BTBD18: variants seen among roughly 807,000 people sequenced by gnomAD.
The protein encoded by BTBD18 is BTB/POZ domain-containing protein 18.
For missense variants in BTBD18, 787 were observed against 846.3 expected, an observed-to-expected ratio of 0.93 and a Z score of 0.87; for synonymous variants, 311 against 324.4, an observed-to-expected ratio of 0.96 and a Z score of 0.44.
chr11:57,750,582 G>T (rs560772869), intron 2 of BTBD18, among the ~76,000 whole-genome samples: 1 of 152,038 alleles, frequency 6.6e-6, no homozygotes, highest in Non-Finnish European at 1.5e-5. Context: ...TGTAATCTCA[G>T]CTACTTGAGA....
Position 57,744,899 on chromosome 11 carries a change from C to T in BTBD18, c.1374G>A (p.Met458Ile). The T allele has an allele frequency of 6.4e-7, 1 of 1,551,534 alleles. No individual in the cohort carries two copies. Among genetic ancestry groups the T allele is most frequent in the Non-Finnish European group, 8.7e-7 (1 of 1,146,886 alleles). The change falls in exon 3 of 3, where the codon ATG becomes ATA. Residue 458 changes from methionine to isoleucine, a missense_variant. Coordinates refer to ENST00000422652, the MANE Select transcript of BTBD18 (RefSeq NM_001145101.3). ...AGGGTTCTCTGCAGTCAATAGCCAA[C>T]ATAGGTTCCTTCTCTACCAGTTCTG... ...SSPELVEKEPMLAIDCREPYA... is the reference protein window; with the variant it reads ...SSPELVEKEPILAIDCREPYA...
At chr11:57,750,767 C>T (rs1949290795) in intron 2 of BTBD18, among the ~76,000 whole-genome samples, 1 of 152,176 alleles carries the variant, frequency 6.6e-6, no homozygotes, top group East Asian at 1.9e-4. Flanking sequence ...AAGTGCTTAC[C>T]CACATTAACT....
chr11:57,746,966 C>T (rs536314702), intron 2 of BTBD18, among the ~76,000 whole-genome samples: 2 of 152,344 alleles, frequency 1.3e-5, no homozygotes, highest in South Asian at 4.1e-4. Flanking sequence ...AGGACCACGT[C>T]TGTCTTTCTC....
At chr11:57,752,476 G>C (rs1179434622), upstream of BTBD18, among the ~76,000 whole-genome samples, 2 of 151,140 alleles carry the variant, frequency 1.3e-5, no homozygotes, top group East Asian at 1.9e-4. Flanking sequence ...AGAGGTTGTA[G>C]ATAGAGCCAC....
In BTBD18 at chr11:57,751,143, A is replaced by C; in HGVS notation, c.46T>G (p.Phe16Val). The change falls in exon 2 of 3, where the codon TTC becomes GTC. Residue 16 changes from phenylalanine to valine, a missense_variant. Coordinates refer to ENST00000422652, the MANE Select transcript of BTBD18 (RefSeq NM_001145101.3). Reference protein sequence around the residue: ...SPKILYRNPRFLRLAFLQLHH... With the variant: ...SPKILYRNPRVLRLAFLQLHH... The stretch of plus-strand genomic sequence containing the variant: ...AGCTGCAGAAAAGCTAACCTGAGGA[A>C]CCGGGGGTTCCTGTATAGGATTTTG... 1.3e-6 allele frequency: 2 copies of C among 1,550,498 alleles called. No homozygotes were observed. The highest frequency in any genetic ancestry group is 1.7e-6 in the Non-Finnish European group (2 of 1,146,544).
intron 2 of BTBD18, among the ~76,000 whole-genome samples, chr11:57,746,606 G>A (rs1223924575): frequency 6.6e-6 from 1 of 152,038 alleles, no homozygotes; most frequent in Non-Finnish European, 1.5e-5. Flanking sequence ...TTACAGGCGT[G>A]AGCCACCGTG....
chr11:57,750,490 G>A (rs1269331707), intron 2 of BTBD18, among the ~76,000 whole-genome samples: 4 of 152,272 alleles, frequency 2.6e-5, no homozygotes, highest in Non-Finnish European at 5.9e-5. Context: ...GAGGCCAGGA[G>A]TTTGAGACCA....
chr11:57,749,826 A>G (rs1406684549), intron 2 of BTBD18, among the ~76,000 whole-genome samples: 1 of 151,746 alleles, frequency 6.6e-6, no homozygotes, highest in South Asian at 2.1e-4. Context: ...GTGGTATACA[A>G]TATTGGTTAT....
Position 57,745,833 on chromosome 11 carries a change from G to C in BTBD18, c.440C>G (p.Thr147Arg). ...TCTGGCAGAGATTGGTGCAGCACTT[G>C]TTGGTTGTAAGCACTCTCGGTTCAG... is the stretch of plus-strand genomic sequence containing the variant. ...RRLNRECLQP[T>R]SAAPISARVV... The change falls in exon 3 of 3, where the codon ACA becomes AGA. Residue 147 changes from threonine (T) to arginine (R), a missense_variant. Transcript: ENST00000422652. The C allele has an allele frequency of 1.3e-6, 2 of 1,551,410 alleles. No homozygotes were observed. The highest frequency in any genetic ancestry group is 1.4e-5 in the African/African-American group (1 of 73,152).
At position 57,751,080 on chromosome 11, in the gene BTBD18, G is replaced by C; in HGVS notation, c.109C>G (p.Leu37Val). The change falls in exon 2 of 3, where the codon CTT becomes GTT. Residue 37 changes from leucine to valine, a missense_variant. Coordinates refer to ENST00000422652, the MANE Select transcript of BTBD18 (RefSeq NM_001145101.3). ...QQQSDVFCDV[L>V]LQAEGEAVPA... is the part of the protein sequence containing the mutation. ...ACTCTCTTACCTTCTGCCTGCAGAA[G>C]GACATCACAGAACACATCACTCTGC... The C allele has an allele frequency of 6.5e-7, 1 of 1,541,208 alleles. No homozygotes were observed. The highest frequency in any genetic ancestry group is 1.2e-5 in the South Asian group (1 of 81,788).
rs559693545 is a variant in BTBD18, at chr11:57,751,049, C to A, written c.124+16G>T. 4.6e-6 allele frequency: 7 copies of A among 1,513,908 alleles called. No homozygotes were observed. Among genetic ancestry groups the A allele is most frequent in the Middle Eastern group, 1.7e-4 (1 of 5,874 alleles). 93.8% of individuals were successfully genotyped at this position (1,513,908 alleles called of 1,614,324 possible). A position where few individuals can be genotyped will look rare whatever the true frequency, so the allele number is the denominator to read the frequency against. On this transcript the variant is annotated intron_variant, in intron 2 of 2. Transcript: ENST00000422652. ...TCTATGGTGAGTTTTCAGTTGAATT[C>A]CGACCACTCTCTTACCTTCTGCCTG...
intron 1 of BTBD18, 76 bp downstream of exon 1, chr11:57,751,465 T>A (rs1326747126): frequency 7.9e-6 from 2 of 254,724 alleles, no homozygotes; most frequent in Non-Finnish European, 7.4e-6. Flanking sequence ...TTAGCCTGGC[T>A]GTATAATCTC....
At chr11:57,748,262 G>C (rs559730827) in intron 2 of BTBD18, among the ~76,000 whole-genome samples, 4 of 152,248 alleles carry the variant, frequency 2.6e-5, no homozygotes, top group African/African-American at 9.6e-5. Flanking sequence ...AATATTTGTT[G>C]AGTCATTATG....
Position 57,745,364 on chromosome 11 carries a change from T to A in BTBD18, c.909A>T (p.Val303=), listed in dbSNP as rs1230701470. The change falls in exon 3 of 3, where the codon GTA becomes GTT. Residue 303 remains valine (V), a synonymous_variant. Coordinates refer to ENST00000422652, the MANE Select transcript of BTBD18 (RefSeq NM_001145101.3). ...GCTTGTCCTCTGGTGTTTCTTTATTTACACTCCTCTGCCGCCAAAGACGCC... is the reference window on the plus strand; with the variant it reads ...GCTTGTCCTCTGGTGTTTCTTTATTAACACTCCTCTGCCGCCAAAGACGCC... ...PGRRLWRQRS[V]NKETPEDKPK... 1.9e-6 allele frequency: 3 copies of A among 1,551,592 alleles called. No homozygotes were observed. The East Asian group carries it at 7.3e-5, about 38-fold the overall frequency.
intron 2 of BTBD18, among the ~76,000 whole-genome samples, chr11:57,748,445 T>G (rs1404300090): frequency 6.6e-6 from 1 of 152,010 alleles, no homozygotes; most frequent in Admixed American, 6.6e-5. Context: ...CCGGGCACAG[T>G]GGCTCAAACC....
intron 2 of BTBD18, among the ~76,000 whole-genome samples, chr11:57,749,806 A>G (rs1174914617): frequency 6.6e-6 from 1 of 151,992 alleles, no homozygotes; most frequent in Admixed American, 6.6e-5. Flanking sequence ...TGTAATCCAC[A>G]AACTGTAGAG....
rs896911620 is a variant in BTBD18, at chr11:57,744,080, G to A, written c.*54C>T. On this transcript the variant is annotated 3_prime_UTR_variant, in exon 3 of 3. Transcript: ENST00000422652. Reference sequence around the variant, plus strand: ...CAGCTTCTCTGCCAGTAAGCCTTTTGCTAGCTAACATTTCCCACCCTCCCA... The same window carrying A: ...CAGCTTCTCTGCCAGTAAGCCTTTTACTAGCTAACATTTCCCACCCTCCCA... The A allele has an allele frequency of 7.5e-6, 10 of 1,333,156 alleles. No homozygotes were observed. The highest frequency in any genetic ancestry group is 4.4e-5 in the African/African-American group (3 of 68,442). 82.6% of individuals were successfully genotyped at this position (1,333,156 alleles called of 1,614,324 possible).
rs2135687647 is a variant in BTBD18 at position 57,744,533 on chromosome 11, C to T, written c.1740G>A (p.Glu580=). The change falls in exon 3 of 3, where the codon GAG becomes GAA. Residue 580 remains glutamate (E), a synonymous_variant. Coordinates refer to ENST00000422652, the MANE Select transcript of BTBD18 (RefSeq NM_001145101.3). ...CTCCTACTGAAAGCACTTCACTCAC[C>T]TCAGAGGGCATGACAAGGGGGCTAA... The part of the protein sequence containing the change: ...ELLSPLVMPS[E]VSEVLSVGGR... The T allele has an allele frequency of 2.6e-6, 4 of 1,551,658 alleles. No individual in the cohort carries two copies. Among genetic ancestry groups the T allele is most frequent in the Non-Finnish European group, 3.5e-6 (4 of 1,146,970 alleles).
chr11:57,748,345 G>C (rs1327990381), intron 2 of BTBD18, among the ~76,000 whole-genome samples: 1 of 152,170 alleles, frequency 6.6e-6, no homozygotes. Context: ...CTGTAAAGTA[G>C]CTACTGTTAT....
Sources: gnomAD v4.1 joint callset for allele counts (sites outside exome capture counted in the v4.1 genomes callset) on GRCh38, gnomAD v4.1.1 for gene constraint, MANE v1.5 for transcripts, NCBI Gene and HGNC (gene_info 2026-07-23, HGNC 2026-07-21) for gene names.